Variants in CERS6 observed in about 807,000 individuals in gnomAD.
The protein encoded by CERS6 is LAG1 homolog, ceramide synthase 6.
A neutral mutation model predicts 56.8 loss-of-function variants in CERS6; 26 were observed. The ratio of observed to expected loss-of-function variants is 0.46; its 90% CI spans 0.34 to 0.63. CERS6 has a LOEUF of 0.63. Among genes scored for constraint, CERS6 ranks in the 30% least tolerant of loss-of-function variants. The probability of loss-of-function intolerance (pLI) is 0.01; values close to 1 mark genes in which losing one functional copy is unlikely to be tolerated. For synonymous variants in CERS6, 164 were observed against 173.3 expected (o/e 0.95, Z 0.42); for missense variants, 415 against 467.5 (o/e 0.89, Z 1.04).
chr2:168,549,320 C>T (rs1196828634), intron 2 of CERS6, among the ~76,000 whole-genome samples: 1 of 152,108 alleles, frequency 6.6e-6, no homozygotes, highest in African/African-American at 2.4e-5. Context: ...AAAGATTTTG[C>T]AGCCAGGTTG....
At chr2:168,459,240 G>A (rs893415368) in intron 1 of CERS6, among the ~76,000 whole-genome samples, 1 of 152,246 alleles carries the variant, frequency 6.6e-6, no homozygotes, top group Non-Finnish European at 1.5e-5. Context: ...AGTCAGTAAT[G>A]TCCTTGTTGA....
At chr2:168,623,302 A>G (rs1322453445) in intron 3 of CERS6, among the ~76,000 whole-genome samples, 2 of 152,176 alleles carry the variant, frequency 1.3e-5, no homozygotes, top group Non-Finnish European at 2.9e-5. Flanking sequence ...ACTTGTAGTT[A>G]TAAGATGAAT....
chr2:168,750,807 C>T (rs920327453), intron 8 of CERS6, among the ~76,000 whole-genome samples: 4 of 152,174 alleles, frequency 2.6e-5, no homozygotes, highest in African/African-American at 9.7e-5. Flanking sequence ...CATTTTGACA[C>T]GTATTGTAAC....
Position 168,717,995 on chromosome 2 carries a change from C to A in CERS6, c.845+17C>A, listed in dbSNP as rs779475415. On this transcript the variant is annotated intron_variant, in intron 8 of 9. Transcript: ENST00000305747. ...TCCTCTCTGGTGAGTATGCCAGTCT[C>A]CTTCCTGATAGAGCCACCCTTTCCA... is the stretch of plus-strand genomic sequence containing the variant. The A allele has an allele frequency of 6.5e-7, 1 of 1,545,672 alleles. No individual in the cohort carries two copies. The highest frequency in any genetic ancestry group is 1.2e-5 in the South Asian group (1 of 86,872).
At chr2:168,735,716 A>C (rs951793347) in intron 8 of CERS6, among the ~76,000 whole-genome samples, 7 of 150,608 alleles carry the variant, frequency 4.6e-5, no homozygotes, top group Non-Finnish European at 7.4e-5. Flanking sequence ...TCTCTACTAA[A>C]AATTTAAAAA....
intron 2 of CERS6, among the ~76,000 whole-genome samples, chr2:168,555,360 CA>C (rs1267921490): frequency 6.6e-6 from 1 of 151,552 alleles, no homozygotes; most frequent in Non-Finnish European, 1.5e-5. Context: ...TGCTATGCTG[CA>C]AAAGTGCTCA....
chr2:168,561,422 A>C, intron 3 of CERS6, 100 bp downstream of exon 3: 1 of 1,343,132 alleles, frequency 7.4e-7, no homozygotes, highest in Non-Finnish European at 1.0e-6. Context: ...CAGCCCTTAA[A>C]AAGCTGCAAT....
At chr2:168,693,343 C>G (rs1057288972) in intron 5 of CERS6, among the ~76,000 whole-genome samples, 1 of 152,078 alleles carries the variant, frequency 6.6e-6, no homozygotes, top group African/African-American at 2.4e-5. Flanking sequence ...GCAAAGCACT[C>G]GTCGGACATA....
chr2:168,633,516 C>G (rs1442271148), intron 4 of CERS6, among the ~76,000 whole-genome samples: 1 of 152,156 alleles, frequency 6.6e-6, no homozygotes, highest in East Asian at 1.9e-4. Flanking sequence ...TTCCAGAGCT[C>G]TCTCCAGTTG....
chr2:168,755,278 G>A (rs1184843247), intron 8 of CERS6, among the ~76,000 whole-genome samples: 1 of 152,200 alleles, frequency 6.6e-6, no homozygotes, highest in Admixed American at 6.5e-5. Flanking sequence ...TAATAAACAT[G>A]AAGTCTTTGA....
In CERS6 at chr2:168,715,015, G is replaced by C; in HGVS notation, c.624G>C (p.Met208Ile). Residue 208 changes from methionine to isoleucine, a missense_variant, in exon 7 of 10, where the codon ATG (methionine) becomes ATC (isoleucine). By Grantham distance (10) the Met-to-Ile change is conservative (BLOSUM62 1). Transcript: ENST00000305747. ...TDIKRKDFGI[M>I]FLHHLVSIFL... ...CTTTCCTCAAGGACTTTGGCATTAT[G>C]TTCCTGCACCACCTTGTATCTATTT... 6.2e-7 allele frequency: 1 copy of C among 1,606,336 alleles called. No homozygotes were observed.
chr2:168,557,909 C>A (rs555487870), intron 2 of CERS6, among the ~76,000 whole-genome samples: 7 of 152,138 alleles, frequency 4.6e-5, no homozygotes, highest in Non-Finnish European at 7.4e-5. Context: ...TTTAATCACC[C>A]TAACATATGA....
chr2:168,645,794 G>A (rs978989782), intron 4 of CERS6, among the ~76,000 whole-genome samples: 3 of 152,082 alleles, frequency 2.0e-5, no homozygotes, highest in African/African-American at 7.2e-5. Context: ...TGTGGTATTT[G>A]GTTTTCTGTT....
intron 9 of CERS6, among the ~76,000 whole-genome samples, chr2:168,766,679 A>C (rs1204021344): frequency 1.3e-5 from 2 of 152,224 alleles, no homozygotes; most frequent in African/African-American, 4.8e-5. Context: ...AAATAGACCA[A>C]AGTAAAGTAG....
At chr2:168,672,515 A>G (rs1685947171) in intron 4 of CERS6, among the ~76,000 whole-genome samples, 1 of 152,222 alleles carries the variant, frequency 6.6e-6, no homozygotes, top group Non-Finnish European at 1.5e-5. Flanking sequence ...AGAGAGGCCT[A>G]ATTCTACTTA....
At chr2:168,461,645 G>T (rs1387316764) in intron 1 of CERS6, among the ~76,000 whole-genome samples, 1 of 152,108 alleles carries the variant, frequency 6.6e-6, no homozygotes, top group Admixed American at 6.6e-5. Flanking sequence ...AAGTAGTTTG[G>T]CTATTTGTTA....
chr2:168,687,613 C>T (rs921736386), intron 4 of CERS6, among the ~76,000 whole-genome samples: 1 of 152,110 alleles, frequency 6.6e-6, no homozygotes, highest in Non-Finnish European at 1.5e-5. Context: ...TGAGATGACA[C>T]GTGTAAAATA....
intron 1 of CERS6, among the ~76,000 whole-genome samples, chr2:168,504,492 G>C (rs1280680211): frequency 6.6e-6 from 1 of 152,144 alleles, no homozygotes; most frequent in Non-Finnish European, 1.5e-5. Flanking sequence ...TGTATCCCTG[G>C]AGAAGGACTG....
chr2:168,610,391 T>C (rs997304014), intron 3 of CERS6, among the ~76,000 whole-genome samples: 3 of 152,210 alleles, frequency 2.0e-5, no homozygotes, highest in African/African-American at 7.2e-5. Context: ...GACTTTGACT[T>C]AATTCATATT....
Sources: allele counts gnomAD v4.1 joint callset (sites outside exome capture counted in the v4.1 genomes callset), GRCh38; gene constraint gnomAD v4.1.1; transcripts MANE v1.5; gene names NCBI Gene and HGNC (gene_info 2026-07-23, HGNC 2026-07-21).